The following PARD3B variants were observed in gnomAD, a reference collection of about 807,000 sequenced individuals.
The protein encoded by PARD3B is partitioning defective 3 homolog B.
In PARD3B, 103 loss-of-function variants were observed where a neutral mutation model predicts 130.2. The observed-to-expected ratio is 0.79, with a 90% CI of 0.67 to 0.93. The LOEUF is 0.93. Among genes scored for constraint, PARD3B ranks in the 40% least tolerant of loss-of-function variants. PARD3B has a pLI of 0.00. For missense variants in PARD3B, 1,609 were observed against 1,499.2 expected, an observed-to-expected ratio of 1.07 and a Z score of -1.21; for synonymous variants, 583 against 553.2, an observed-to-expected ratio of 1.05 and a Z score of -0.76.
At chr2:205,005,217 C>A (rs1246457465) in intron 3 of PARD3B, among the ~76,000 whole-genome samples, 1 of 151,692 alleles carries the variant, frequency 6.6e-6, no homozygotes, top group Non-Finnish European at 1.5e-5. Flanking sequence ...CACATGTACA[C>A]AAAAAGTATA....
At chr2:204,775,968 C>T (rs879277538) in intron 2 of PARD3B, among the ~76,000 whole-genome samples, 1 of 152,182 alleles carries the variant, frequency 6.6e-6, no homozygotes, top group Non-Finnish European at 1.5e-5. Flanking sequence ...CAAGAAGCAG[C>T]ATTGTCATAT....
At chr2:204,635,195 C>G (rs1027906432) in intron 1 of PARD3B, among the ~76,000 whole-genome samples, 6 of 152,174 alleles carry the variant, frequency 3.9e-5, no homozygotes, top group Non-Finnish European at 8.8e-5. Flanking sequence ...TCTTTGCTTA[C>G]TGCTATGACA....
chr2:205,345,500 GC>G (rs1391194391), intron 18 of PARD3B, among the ~76,000 whole-genome samples: 1 of 152,024 alleles, frequency 6.6e-6, no homozygotes, highest in African/African-American at 2.4e-5. Context: ...AGACCTTCCT[GC>G]TTCTGCTGTT....
chr2:204,719,566 T>C (rs887204997), intron 2 of PARD3B, among the ~76,000 whole-genome samples: 3 of 152,224 alleles, frequency 2.0e-5, no homozygotes, highest in Non-Finnish European at 4.4e-5. Context: ...TAACCACATG[T>C]AACCTTCTGG....
chr2:205,554,479 C>T (rs1221462956), intron 22 of PARD3B, among the ~76,000 whole-genome samples: 4 of 152,184 alleles, frequency 2.6e-5, no homozygotes, highest in African/African-American at 9.7e-5. Context: ...TTAGGCAGGA[C>T]ACCCAAAATA....
At chr2:204,840,653 G>A (rs144763716) in intron 2 of PARD3B, among the ~76,000 whole-genome samples, 264 of 151,936 alleles carry the variant, frequency 1.7e-3, no homozygotes, top group African/African-American at 5.9e-3. Context: ...AGGCAAATAC[G>A]TGTGGTTGTC....
chr2:204,782,414 T>G (rs2041868641), intron 2 of PARD3B, among the ~76,000 whole-genome samples: 1 of 151,564 alleles, frequency 6.6e-6, no homozygotes, highest in Admixed American at 6.6e-5. Flanking sequence ...GTCACATGTA[T>G]GTATTGTGTG....
At chr2:204,876,544 T>C (rs1202235660) in intron 2 of PARD3B, among the ~76,000 whole-genome samples, 1 of 152,204 alleles carries the variant, frequency 6.6e-6, no homozygotes, top group East Asian at 1.9e-4. Context: ...GCCTAACAAG[T>C]AAGATGCGAA....
rs796567936 is a variant in PARD3B, at chr2:205,550,955, G to GTGTGTGTATATATATATATATATA, written c.3181-2368_3181-2367insGTGTGTATATATATATATATATAT. Reference sequence around the variant, plus strand: ...TGTGTGTGTGTGTATATATATATGTGTATATATATATATATATATATACAC... The same window carrying GTGTGTGTATATATATATATATATA: ...TGTGTGTGTGTGTATATATATATGTGTGTGTGTATATATATATATATATATATATATATATATATATATATACAC... On this transcript the variant is annotated intron_variant, in intron 21 of 22. Transcript: ENST00000406610. The surrounding 1 kb of genome is among the most constrained non-coding windows in gnomAD (Gnocchi z 4.5). 2.6e-4 allele frequency among the ~76,000 whole-genome samples: 25 copies of GTGTGTGTATATATATATATATATA among 94,446 alleles called. No individual in the cohort carries two copies. The highest frequency in any genetic ancestry group is 6.0e-3 in the Middle Eastern group (1 of 168). 62.0% of individuals were successfully genotyped at this position (94,446 alleles called of 152,430 possible). A position where few individuals can be genotyped will look rare whatever the true frequency, so the allele number is the denominator to read the frequency against.
chr2:204,637,736 T>C (rs1254727645), intron 1 of PARD3B, among the ~76,000 whole-genome samples: 2 of 152,004 alleles, frequency 1.3e-5, no homozygotes, highest in Non-Finnish European at 2.9e-5. Flanking sequence ...ACAGCTTTTT[T>C]TTTTTTCCCT....
chr2:204,591,755 C>A (rs1336278871), intron 1 of PARD3B, among the ~76,000 whole-genome samples: 1 of 152,150 alleles, frequency 6.6e-6, no homozygotes, highest in Non-Finnish European at 1.5e-5. Flanking sequence ...GTAGTAATAT[C>A]TTTTAGAAGC....
intron 4 of PARD3B, among the ~76,000 whole-genome samples, chr2:205,083,940 A>G (rs1472060262): frequency 1.3e-5 from 2 of 152,142 alleles, no homozygotes; most frequent in Non-Finnish European, 2.9e-5. Context: ...CAGCTTCCCA[A>G]CATCACGACA....
intron 1 of PARD3B, among the ~76,000 whole-genome samples, chr2:204,655,296 A>G (rs1269513475): frequency 1.3e-5 from 2 of 152,106 alleles, no homozygotes; most frequent in Non-Finnish European, 2.9e-5. Flanking sequence ...CTGCTCCCTA[A>G]AGTTATGCAA....
intron 18 of PARD3B, among the ~76,000 whole-genome samples, chr2:205,350,464 A>T (rs2043957691): frequency 1.3e-5 from 2 of 152,226 alleles, no homozygotes; most frequent in South Asian, 4.1e-4. Flanking sequence ...GCATGAAAAT[A>T]ATATTGGCTT....
At chr2:205,541,240 T>A (rs1201860881) in intron 21 of PARD3B, among the ~76,000 whole-genome samples, 2 of 152,112 alleles carry the variant, frequency 1.3e-5, no homozygotes, top group South Asian at 2.1e-4. Context: ...TCCATTCTCT[T>A]TTGCAGCTTT....
At chr2:205,043,618 C>G (rs980614223) in intron 3 of PARD3B, among the ~76,000 whole-genome samples, 1 of 152,056 alleles carries the variant, frequency 6.6e-6, no homozygotes, top group Non-Finnish European at 1.5e-5. Flanking sequence ...CCTTTACTCC[C>G]TAACACTGGA....
At chr2:205,466,819 T>A (rs2048640696) in intron 20 of PARD3B, among the ~76,000 whole-genome samples, 1 of 152,206 alleles carries the variant, frequency 6.6e-6, no homozygotes, top group Non-Finnish European at 1.5e-5. Flanking sequence ...TTCAAGCGAT[T>A]CTTCTGCCTC....
At chr2:205,586,358 C>T (rs1575427239) in intron 22 of PARD3B, among the ~76,000 whole-genome samples, 1 of 152,292 alleles carries the variant, frequency 6.6e-6, no homozygotes. Flanking sequence ...TGCAGCTCAA[C>T]CTAATGTCAA....
rs13001745 is a variant in PARD3B at position 205,473,654 on chromosome 2, A to G, written c.3045-26242A>G. 2.5e-3 allele frequency among the ~76,000 whole-genome samples: 307 copies of G among 123,678 alleles called. No homozygotes were observed. Among genetic ancestry groups the G allele is most frequent in the Non-Finnish European group, 3.5e-3 (218 of 61,724 alleles). 81.1% of individuals were successfully genotyped at this position (123,678 alleles called of 152,430 possible). On this transcript the variant is annotated intron_variant, in intron 20 of 22. Coordinates refer to ENST00000406610, the MANE Select transcript of PARD3B (RefSeq NM_001302769.2). The surrounding 1 kb of genome is among the most constrained non-coding windows in gnomAD (Gnocchi z 4.9). Reference sequence around the variant, plus strand: ...TGTTTCCCAATATAAGGTTATATATATGTGTGTGTGTGTGTGTGTGTGTGT... The same window carrying G: ...TGTTTCCCAATATAAGGTTATATATGTGTGTGTGTGTGTGTGTGTGTGTGT...
Sources: allele counts gnomAD v4.1 joint callset (sites outside exome capture counted in the v4.1 genomes callset), GRCh38; gene constraint gnomAD v4.1.1; non-coding constraint Gnocchi (gnomAD v3.1); transcripts MANE v1.5; gene names NCBI Gene and HGNC (gene_info 2026-07-23, HGNC 2026-07-21).